Variants in IQCJ observed in about 807,000 individuals in gnomAD.
The protein encoded by IQCJ is IQ motif containing J, also known as IQ domain-containing protein J.
A neutral mutation model predicts 11.0 loss-of-function variants in IQCJ; 9 were observed. That is an observed-to-expected ratio of 0.82 (90% CI 0.49 to 1.43). IQCJ has a LOEUF of 1.43. Among genes scored for constraint, IQCJ ranks in the 40% most tolerant of loss-of-function variants. The pLI is 0.00. For missense variants in IQCJ, 146 were observed against 133.2 expected, an observed-to-expected ratio of 1.10 and a Z score of -0.47; for synonymous variants, 55 against 51.3, an observed-to-expected ratio of 1.07 and a Z score of -0.31.
At chr3:159,220,156 T>G (rs1401710461) in intron 1 of IQCJ, among the ~76,000 whole-genome samples, 1 of 152,136 alleles carries the variant, frequency 6.6e-6, no homozygotes, top group Admixed American at 6.5e-5. Context: ...AGGTATCTTC[T>G]GCAGCAGGTT....
intron 1 of IQCJ, among the ~76,000 whole-genome samples, chr3:159,074,720 TC>T (rs1320272293): frequency 2.6e-5 from 4 of 152,116 alleles, no homozygotes; most frequent in African/African-American, 7.2e-5. Flanking sequence ...AAATTTAGGT[TC>T]TTTTTTCTAA....
intron 2 of IQCJ, among the ~76,000 whole-genome samples, chr3:159,246,152 T>C (rs1727258708): frequency 6.6e-6 from 1 of 152,154 alleles, no homozygotes; most frequent in Non-Finnish European, 1.5e-5. Context: ...TGGTGGTATG[T>C]CTGAGGGCTT....
chr3:159,115,399 A>G (rs1718916758), intron 1 of IQCJ, among the ~76,000 whole-genome samples: 2 of 152,176 alleles, frequency 1.3e-5, no homozygotes, highest in South Asian at 2.1e-4. Flanking sequence ...CCCAATTTCC[A>G]TGGGTCAAAA....
chr3:159,168,936 T>C (rs114046436), intron 1 of IQCJ, among the ~76,000 whole-genome samples: 5,911 of 151,564 alleles, frequency 0.039, 372 homozygotes, highest in African/African-American at 0.14. Context: ...ATTCTCATCA[T>C]GCCAGGCCAT....
At chr3:159,250,888 T>C (rs920839138) in intron 2 of IQCJ, among the ~76,000 whole-genome samples, 2 of 152,236 alleles carry the variant, frequency 1.3e-5, no homozygotes, top group African/African-American at 2.4e-5. Flanking sequence ...TTGCAAATAC[T>C]TGTGTAATGT....
intron 1 of IQCJ, among the ~76,000 whole-genome samples, chr3:159,232,434 C>A (rs1226711023): frequency 6.7e-6 from 1 of 148,696 alleles, no homozygotes; most frequent in Non-Finnish European, 1.5e-5. Context: ...CCGTGTAGTG[C>A]CGTTTTGAGA....
chr3:159,181,685 G>A (rs1303892581), intron 1 of IQCJ, among the ~76,000 whole-genome samples: 1 of 151,672 alleles, frequency 6.6e-6, no homozygotes, highest in African/African-American at 2.4e-5. Flanking sequence ...TTCCTGAGCT[G>A]GAAGCATAGA....
intron 1 of IQCJ, among the ~76,000 whole-genome samples, chr3:159,195,250 G>C (rs565588223): frequency 5.3e-5 from 8 of 152,262 alleles, no homozygotes; most frequent in African/African-American, 1.9e-4. Context: ...GGTATGTATT[G>C]CTAGGTCCTG....
chr3:159,107,338 T>C (rs1283285506), intron 1 of IQCJ, among the ~76,000 whole-genome samples: 1 of 152,180 alleles, frequency 6.6e-6, no homozygotes, highest in Non-Finnish European at 1.5e-5. Flanking sequence ...GAAGATACTT[T>C]CCAGTAACCA....
At chr3:159,237,542 G>C (rs1726666198) in intron 1 of IQCJ, among the ~76,000 whole-genome samples, 1 of 152,156 alleles carries the variant, frequency 6.6e-6, no homozygotes. Context: ...GAAGTAGTCA[G>C]TAATTTTTCA....
intron 1 of IQCJ, among the ~76,000 whole-genome samples, chr3:159,073,353 A>G (rs1328414505): frequency 6.6e-6 from 1 of 152,098 alleles, no homozygotes; most frequent in Non-Finnish European, 1.5e-5. Flanking sequence ...CTGGCTGCCA[A>G]GGTGATATCT....
chr3:159,116,223 G>C, intron 1 of IQCJ, among the ~76,000 whole-genome samples: 1 of 151,998 alleles, frequency 6.6e-6, no homozygotes, highest in Non-Finnish European at 1.5e-5. Context: ...AACAGAGAAA[G>C]ACTCTGTCTC....
chr3:159,257,746 A>T (rs1253871662), intron 3 of IQCJ, among the ~76,000 whole-genome samples: 2 of 152,236 alleles, frequency 1.3e-5, no homozygotes, highest in African/African-American at 2.4e-5. Flanking sequence ...CTGCATATAG[A>T]AAAATCAACT....
At chr3:159,210,154 G>T (rs894820411) in intron 1 of IQCJ, among the ~76,000 whole-genome samples, 8 of 152,126 alleles carry the variant, frequency 5.3e-5, no homozygotes, top group Non-Finnish European at 8.8e-5. Flanking sequence ...TCTTCCCAGT[G>T]CAGACAAAAA....
intron 1 of IQCJ, among the ~76,000 whole-genome samples, chr3:159,168,392 A>G (rs1722295855): frequency 6.6e-6 from 1 of 152,174 alleles, no homozygotes; most frequent in African/African-American, 2.4e-5. Context: ...TTGAAAAATT[A>G]CTAATGATCA....
intron 1 of IQCJ, among the ~76,000 whole-genome samples, chr3:159,236,360 C>A (rs1726590754): frequency 6.6e-6 from 1 of 150,452 alleles, no homozygotes; most frequent in African/African-American, 2.4e-5. Context: ...TGCCTTTTTG[C>A]CTCTAAATAT....
At chr3:159,211,873 C>A (rs1196461484) in intron 1 of IQCJ, among the ~76,000 whole-genome samples, 1 of 151,686 alleles carries the variant, frequency 6.6e-6, no homozygotes, top group Non-Finnish European at 1.5e-5. Flanking sequence ...AAACTGGAGT[C>A]AAATCAAGGA....
rs112821159 is a variant in IQCJ at position 159,215,597 on chromosome 3, A to G, written c.10-30246A>G. Reference sequence around the variant, plus strand: ...ACATTTATAAATCAGGAATATTTAAATGAGTGTGCAAATGGAGGTAAAATG... The same window carrying G: ...ACATTTATAAATCAGGAATATTTAAGTGAGTGTGCAAATGGAGGTAAAATG... On this transcript the variant is annotated intron_variant, in intron 1 of 3. Transcript: ENST00000397832. Among the ~76,000 whole-genome samples, 1,366 of 152,332 alleles carry G rather than the reference A, an allele frequency of 9.0e-3. 16 individuals carry two copies. Among genetic ancestry groups the G allele is most frequent in the African/African-American group, 0.032 (1,317 of 41,566 alleles).
In IQCJ at chr3:159,199,256, G is replaced by T. The variant is rs369223792; in HGVS notation, c.10-46587G>T. ...GGTTGGCCCTAAATGTAATGACAAG[G>T]TTCCTTAAAGGAGTCAGAGAAGATG... On this transcript the variant is annotated intron_variant, in intron 1 of 3. Coordinates refer to ENST00000397832, the MANE Select transcript of IQCJ (RefSeq NM_001042706.3). 7.2e-5 allele frequency among the ~76,000 whole-genome samples: 11 copies of T among 152,248 alleles called. No homozygotes were observed. In the East Asian group the frequency reaches 1.2e-3, roughly 16 times the overall value.
Sources: gnomAD v4.1 joint callset for allele counts (sites outside exome capture counted in the v4.1 genomes callset) on GRCh38, gnomAD v4.1.1 for gene constraint, MANE v1.5 for transcripts, NCBI Gene and HGNC (gene_info 2026-07-23, HGNC 2026-07-21) for gene names.